Variants in CRPPA observed in about 807,000 individuals in gnomAD.
CRPPA encodes CDP-L-ribitol pyrophosphorylase A, also known as D-ribitol-5-phosphate cytidylyltransferase.
CRPPA carries 43 observed loss-of-function variants against 52.0 expected under a neutral mutation model. The ratio of observed to expected loss-of-function variants is 0.83; its 90% CI spans 0.65 to 1.07. The LOEUF (loss-of-function observed/expected upper bound fraction) is 1.07, where lower values mean the gene tolerates loss of function less well. CRPPA is among the 50% of genes least tolerant of loss of function. The pLI, the probability that CRPPA is intolerant of heterozygous loss-of-function variation, is 0.00. For missense variants in CRPPA, 629 were observed against 551.7 expected (o/e 1.14, Z -1.40); for synonymous variants, 250 against 203.5 (o/e 1.23, Z -1.94).
intron 9 of CRPPA, among the ~76,000 whole-genome samples, chr7:16,130,927 A>C (rs1024005756): frequency 1.3e-5 from 2 of 152,128 alleles, no homozygotes; most frequent in Non-Finnish European, 2.9e-5. Flanking sequence ...TGACCCCAGC[A>C]AGTTCCCACA....
At chr7:16,196,291 C>T (rs1468962472) in intron 9 of CRPPA, among the ~76,000 whole-genome samples, 1 of 152,084 alleles carries the variant, frequency 6.6e-6, no homozygotes, top group Non-Finnish European at 1.5e-5. Context: ...TAGCATATGA[C>T]AGAGCTAGCA....
chr7:16,288,788 G>A (rs1325774092), intron 5 of CRPPA, among the ~76,000 whole-genome samples: 3 of 134,864 alleles, frequency 2.2e-5, no homozygotes, highest in Non-Finnish European at 4.6e-5. Flanking sequence ...GGAGGTTACA[G>A]TGAGCTGATA....
At chr7:16,345,352 C>G (rs764944856) in intron 3 of CRPPA, among the ~76,000 whole-genome samples, 4 of 152,040 alleles carry the variant, frequency 2.6e-5, no homozygotes, top group Non-Finnish European at 5.9e-5. Context: ...AAATACCAAA[C>G]GGAATACTTG....
chr7:16,108,383 A>G (rs1350517448), intron 9 of CRPPA, among the ~76,000 whole-genome samples: 2 of 151,984 alleles, frequency 1.3e-5, no homozygotes, highest in African/African-American at 4.8e-5. Context: ...AGGATATTAT[A>G]AATAATAAAG....
intron 3 of CRPPA, among the ~76,000 whole-genome samples, chr7:16,342,353 C>G (rs1338485698): frequency 2.6e-5 from 4 of 151,996 alleles, no homozygotes; most frequent in Non-Finnish European, 5.9e-5. Flanking sequence ...GAGAAAATGA[C>G]ATGGGAGAAA....
intron 8 of CRPPA, among the ~76,000 whole-genome samples, chr7:16,245,238 C>T (rs1227098720): frequency 6.6e-6 from 1 of 152,202 alleles, no homozygotes; most frequent in African/African-American, 2.4e-5. Context: ...GTATGTGTAT[C>T]AGTAGTTTTC....
At chr7:16,124,338 T>C (rs1353037004) in intron 9 of CRPPA, among the ~76,000 whole-genome samples, 1 of 152,098 alleles carries the variant, frequency 6.6e-6, no homozygotes, top group Non-Finnish European at 1.5e-5. Flanking sequence ...TTGTATTATT[T>C]TGAGAAGTGA....
intron 5 of CRPPA, among the ~76,000 whole-genome samples, chr7:16,290,863 A>G (rs1185478721): frequency 6.6e-6 from 1 of 152,036 alleles, no homozygotes; most frequent in African/African-American, 2.4e-5. Context: ...TGTTGAATAC[A>G]AGAAGATATT....
chr7:16,186,374 G>A lies in CRPPA; in HGVS notation c.1251+29692C>T, dbSNP rs73058543. Reference sequence around the variant, plus strand: ...CTAGAGAGCTAGCTAGCTCTTTTCCGCCACGTGCGTGTACAAGAAGTCAGT... The same window carrying A: ...CTAGAGAGCTAGCTAGCTCTTTTCCACCACGTGCGTGTACAAGAAGTCAGT... On this transcript the variant is annotated intron_variant, in intron 9 of 9. Coordinates refer to ENST00000407010, the MANE Select transcript of CRPPA (RefSeq NM_001101426.4). Among the ~76,000 whole-genome samples the A allele has an allele frequency of 6.1e-3, 922 of 152,222 alleles. 5 individuals carry two copies. Among genetic ancestry groups the A allele is most frequent in the Non-Finnish European group, 0.011 (737 of 68,020 alleles).
intron 2 of CRPPA, among the ~76,000 whole-genome samples, chr7:16,387,277 A>C (rs1787313070): frequency 6.6e-6 from 1 of 151,498 alleles, no homozygotes; most frequent in South Asian, 2.1e-4. Flanking sequence ...ACAATAACAG[A>C]ACAAAAAAGA....
Position 16,421,220 on chromosome 7 carries a change from C to G in CRPPA, c.103G>C (p.Val35Leu). Reference sequence around the variant, plus strand: ...TGGCGCCCGGGCTCGGTCCCGGCCACGCTCTGCAGGGAGGCGGAAGCCGTG... The same window carrying G: ...TGGCGCCCGGGCTCGGTCCCGGCCAGGCTCTGCAGGGAGGCGGAAGCCGTG... ...DHTASASLQS[V>L]AGTEPGRHPQ... The change falls in exon 1 of 10, where the codon GTG becomes CTG. Residue 35 changes from valine to leucine, a missense_variant. Transcript: ENST00000407010. 3 of 1,339,676 alleles carry G rather than the reference C, an allele frequency of 2.2e-6. No individual in the cohort carries two copies. The highest frequency in any genetic ancestry group is 2.9e-6 in the Non-Finnish European group (3 of 1,038,384). 83.0% of individuals were successfully genotyped at this position (1,339,676 alleles called of 1,614,324 possible).
chr7:16,379,351 C>A (rs1257231326), intron 2 of CRPPA, among the ~76,000 whole-genome samples: 11 of 152,126 alleles, frequency 7.2e-5, no homozygotes, highest in African/African-American at 9.7e-5. Context: ...TGATCTATAT[C>A]TCTGTTTCGG....
intron 3 of CRPPA, among the ~76,000 whole-genome samples, chr7:16,359,359 C>T (rs116343328): frequency 8.1e-4 from 124 of 152,262 alleles, no homozygotes; most frequent in African/African-American, 2.9e-3. Flanking sequence ...TAATTCACAG[C>T]GTGATCACAA....
At chr7:16,397,387 C>G (rs1191990097) in intron 2 of CRPPA, among the ~76,000 whole-genome samples, 1 of 152,134 alleles carries the variant, frequency 6.6e-6, no homozygotes, top group South Asian at 2.1e-4. Flanking sequence ...TGACATATGA[C>G]AGATGTGACA....
chr7:16,214,868 T>G (rs2128397794), intron 9 of CRPPA, among the ~76,000 whole-genome samples: 1 of 152,314 alleles, frequency 6.6e-6, no homozygotes, highest in Non-Finnish European at 1.5e-5. Context: ...TTATCTGTCC[T>G]CGGGCAAATA....
intron 3 of CRPPA, among the ~76,000 whole-genome samples, chr7:16,317,840 A>G (rs1320199835): frequency 6.6e-6 from 1 of 152,182 alleles, no homozygotes; most frequent in Non-Finnish European, 1.5e-5. Context: ...TTTAATGGCT[A>G]TACCAATTTA....
At chr7:16,351,637 T>A (rs1227745617) in intron 3 of CRPPA, among the ~76,000 whole-genome samples, 1 of 151,756 alleles carries the variant, frequency 6.6e-6, no homozygotes, top group Non-Finnish European at 1.5e-5. Context: ...AAAGACGACA[T>A]TTATGCGGCC....
intron 3 of CRPPA, among the ~76,000 whole-genome samples, chr7:16,341,694 C>T (rs771973909): frequency 1.3e-5 from 2 of 151,982 alleles, no homozygotes; most frequent in Non-Finnish European, 2.9e-5. Context: ...ATTCTGAATC[C>T]TCAAATGTGG....
rs369335527 is a variant in CRPPA, at chr7:16,400,774, G to A, written c.534+5287C>T. On this transcript the variant is annotated intron_variant, in intron 2 of 9. Transcript: ENST00000407010. ...ATGACCAATATGTGTGATGGAAGAC[G>A]TGGACACATGCCCAACATATGCCCA... Among the ~76,000 whole-genome samples, 26 of 152,358 alleles carry A rather than the reference G, an allele frequency of 1.7e-4. No homozygotes were observed. The East Asian group carries it at 1.9e-3, about 11-fold the overall frequency.
Sources: gnomAD v4.1 joint callset for allele counts (sites outside exome capture counted in the v4.1 genomes callset) on GRCh38, gnomAD v4.1.1 for gene constraint, MANE v1.5 for transcripts, NCBI Gene and HGNC (gene_info 2026-07-23, HGNC 2026-07-21) for gene names.